Variants in DCHS2 observed in about 807,000 individuals in gnomAD.
The protein encoded by DCHS2 is protocadherin-23.
A neutral mutation model predicts 182.4 loss-of-function variants in DCHS2; 142 were observed. That is an observed-to-expected ratio of 0.78 (90% CI 0.68 to 0.89). The LOEUF (loss-of-function observed/expected upper bound fraction) is 0.89, where lower values mean the gene tolerates loss of function less well. Ranked by LOEUF, DCHS2 falls within the 40% of genes least tolerant of loss-of-function variation. The pLI, the probability that DCHS2 is intolerant of heterozygous loss-of-function variation, is 0.00. For missense variants in DCHS2, 4,319 were observed against 4,198.6 expected (o/e 1.03, Z -0.79); for synonymous variants, 1,740 against 1,663.3 (o/e 1.05, Z -1.12).
chr4:154,313,745 T>C (rs988884367), intron 10 of DCHS2, among the ~76,000 whole-genome samples: 2 of 152,202 alleles, frequency 1.3e-5, no homozygotes, highest in African/African-American at 4.8e-5. Context: ...TTAAAAACAC[T>C]GAGATTTCCA....
chr4:154,374,742 T>C (rs1174509078), intron 2 of DCHS2, among the ~76,000 whole-genome samples: 1 of 152,178 alleles, frequency 6.6e-6, no homozygotes, highest in Non-Finnish European at 1.5e-5. Context: ...AGAGAATGAT[T>C]AGACCAGAGA....
intron 13 of DCHS2, among the ~76,000 whole-genome samples, chr4:154,285,570 G>A (rs1734357056): frequency 6.6e-6 from 1 of 152,210 alleles, no homozygotes; most frequent in South Asian, 2.1e-4. Flanking sequence ...CTTTGGCCTT[G>A]AGTGAACATT....
At chr4:154,324,186 T>A (rs2111343887) in intron 7 of DCHS2, among the ~76,000 whole-genome samples, 1 of 152,348 alleles carries the variant, frequency 6.6e-6, no homozygotes, top group South Asian at 2.1e-4. Context: ...ACATATTAGT[T>A]GTATTTCAAT....
intron 1 of DCHS2, among the ~76,000 whole-genome samples, chr4:154,388,259 G>A (rs993918414): frequency 6.6e-6 from 1 of 151,764 alleles, no homozygotes; most frequent in Non-Finnish European, 1.5e-5. Context: ...TTCAATGTAG[G>A]CATGAAAATT....
chr4:154,261,446 A>G (rs530119745), intron 14 of DCHS2, among the ~76,000 whole-genome samples: 4 of 152,314 alleles, frequency 2.6e-5, no homozygotes, highest in African/African-American at 9.6e-5. Context: ...GCCATCAACT[A>G]CTAGAAGTTC....
chr4:154,416,728 C>T (rs749693511), intron 1 of DCHS2, among the ~76,000 whole-genome samples: 2 of 152,222 alleles, frequency 1.3e-5, no homozygotes, highest in African/African-American at 4.8e-5. Context: ...AAGCTAGTTT[C>T]CCCCTGTGTA....
At chr4:154,473,759 ATCT>A (rs749545826) in intron 1 of DCHS2, among the ~76,000 whole-genome samples, 11 of 152,126 alleles carry the variant, frequency 7.2e-5, no homozygotes, top group Non-Finnish European at 1.2e-4. Context: ...CCTCCCACTG[ATCT>A]TCTTGTAAGT....
In DCHS2 at chr4:154,366,475, T is replaced by G; in HGVS notation, c.2245-34A>C. 4.8e-6 allele frequency: 7 copies of G among 1,451,304 alleles called. No individual in the cohort carries two copies. In the South Asian group the frequency reaches 5.9e-5, roughly 12 times the overall value. The allele number at this position is 1,451,304 out of a possible 1,614,324, so 89.9% of individuals were successfully genotyped here. A position where few individuals can be genotyped will look rare whatever the true frequency, so the allele number is the denominator to read the frequency against. On this transcript the variant is annotated intron_variant, in intron 2 of 19. Transcript: ENST00000357232. ...TGAATGAGTGGTGATTACAAATGGG[T>G]TTTTGCTGAACACTAGGATGTAGAA...
At chr4:154,383,741 C>T (rs1389285553) in intron 1 of DCHS2, among the ~76,000 whole-genome samples, 1 of 152,078 alleles carries the variant, frequency 6.6e-6, no homozygotes, top group Non-Finnish European at 1.5e-5. Context: ...CCAGACTCCA[C>T]CCAAAAGGCA....
At chr4:154,412,523 T>C (rs1732673654) in intron 1 of DCHS2, among the ~76,000 whole-genome samples, 1 of 150,214 alleles carries the variant, frequency 6.7e-6, no homozygotes, top group South Asian at 2.1e-4. Context: ...ACCGAGAAAA[T>C]GTTCCTCATC....
chr4:154,468,893 G>T (rs1009853260), intron 1 of DCHS2, among the ~76,000 whole-genome samples: 2 of 152,108 alleles, frequency 1.3e-5, no homozygotes, highest in Middle Eastern at 3.2e-3. Context: ...GGCACTTAGA[G>T]ACTGGTGGAA....
intron 3 of DCHS2, chr4:154,343,504 T>C (rs1561056600): frequency 1.3e-6 from 2 of 1,493,858 alleles, no homozygotes; most frequent in Non-Finnish European, 1.8e-6. Context: ...GCTACATACC[T>C]TGCTGCAGCT....
intron 1 of DCHS2, among the ~76,000 whole-genome samples, chr4:154,380,500 T>G (rs1731120646): frequency 6.6e-6 from 1 of 152,164 alleles, no homozygotes; most frequent in Admixed American, 6.6e-5. Flanking sequence ...AACTTTGGCT[T>G]CATTGAAAGA....
chr4:154,374,001 G>GAAAA, intron 2 of DCHS2: 3 of 548,420 alleles, frequency 5.5e-6, no homozygotes, highest in Admixed American at 8.3e-5. Flanking sequence ...TATTTTAATA[G>GAAAA]CAAAAAAAAA....
intron 16 of DCHS2, among the ~76,000 whole-genome samples, chr4:154,252,841 T>A (rs1276532905): frequency 6.6e-6 from 1 of 152,112 alleles, no homozygotes; most frequent in Non-Finnish European, 1.5e-5. Context: ...GCAGGAATGC[T>A]AGATTGTATG....
chr4:154,317,758 T>C (rs889674486), intron 9 of DCHS2, among the ~76,000 whole-genome samples: 3 of 152,098 alleles, frequency 2.0e-5, no homozygotes, highest in African/African-American at 7.2e-5. Flanking sequence ...AAAAAACATA[T>C]AATAGATGTT....
At chr4:154,391,507 G>C (rs1351713340) in intron 1 of DCHS2, among the ~76,000 whole-genome samples, 5 of 152,140 alleles carry the variant, frequency 3.3e-5, no homozygotes, top group African/African-American at 7.2e-5. Flanking sequence ...AGAAGAGGAA[G>C]AGTTAAAAAG....
intron 13 of DCHS2, among the ~76,000 whole-genome samples, chr4:154,279,949 C>G (rs4365708): frequency 0.02 from 3,104 of 151,608 alleles, 104 homozygotes; most frequent in African/African-American, 0.072. Context: ...TTTTGAAAAG[C>G]TTAATAAAAT....
At position 154,490,321 on chromosome 4, in the gene DCHS2, G is replaced by C; in HGVS notation, c.1035C>G (p.Ser345Arg). ...CCGCGTCGCCCAGTGCCCCGCCGCC[G>C]CTACCCGCCCCAGGCACTTGCCGGG... ...VRARQVPGAGSGGGALGDAAY... is the reference protein window; with the variant it reads ...VRARQVPGAGRGGGALGDAAY... Residue 345 changes from serine (S) to arginine (R), a missense_variant, in exon 1 of 20, where the codon AGC becomes AGG. Physicochemically the swap from Ser to Arg is moderately radical, Grantham distance 110. Transcript: ENST00000357232. 1 of 1,544,544 alleles carries C rather than the reference G, an allele frequency of 6.5e-7. No homozygotes were observed. Among genetic ancestry groups the C allele is most frequent in the Non-Finnish European group, 8.7e-7 (1 of 1,146,308 alleles).
Sources: gnomAD v4.1 joint callset for allele counts (sites outside exome capture counted in the v4.1 genomes callset) on GRCh38, gnomAD v4.1.1 for gene constraint, MANE v1.5 for transcripts, NCBI Gene and HGNC (gene_info 2026-07-23, HGNC 2026-07-21) for gene names.